Variants in SYNPR observed in about 807,000 individuals in gnomAD.
SYNPR encodes the protein synaptoporin.
A neutral mutation model predicts 32.9 loss-of-function variants in SYNPR; 23 were observed. That is an observed-to-expected ratio of 0.70 (90% CI 0.50 to 0.99). The LOEUF (loss-of-function observed/expected upper bound fraction) is 0.99, where lower values mean the gene tolerates loss of function less well. SYNPR is among the 50% of genes least tolerant of loss of function. The pLI is 0.00. For synonymous variants in SYNPR, 146 were observed against 135.9 expected (o/e 1.07, Z -0.52); for missense variants, 318 against 349.3 (o/e 0.91, Z 0.71).
At chr3:63,500,652 A>G (rs886096955) in intron 3 of SYNPR, among the ~76,000 whole-genome samples, 1 of 152,156 alleles carries the variant, frequency 6.6e-6, no homozygotes, top group Non-Finnish European at 1.5e-5. Flanking sequence ...AACCAAAAAG[A>G]ATGGTTTCTC....
At chr3:63,441,645 T>G (rs1700178160) in intron 2 of SYNPR, among the ~76,000 whole-genome samples, 1 of 152,174 alleles carries the variant, frequency 6.6e-6, no homozygotes, top group Admixed American at 6.5e-5. Flanking sequence ...CTTCTCTCAT[T>G]GAAGTGCAGA....
At chr3:63,391,069 T>G (rs1277015742) in intron 2 of SYNPR, among the ~76,000 whole-genome samples, 1 of 152,236 alleles carries the variant, frequency 6.6e-6, no homozygotes. Flanking sequence ...CATGACTCAA[T>G]TCCTTCTTAA....
At chr3:63,554,354 A>G (rs1702558805) in intron 3 of SYNPR, among the ~76,000 whole-genome samples, 1 of 152,168 alleles carries the variant, frequency 6.6e-6, no homozygotes, top group African/African-American at 2.4e-5. Context: ...TCTTACATTT[A>G]TATCTGTAAT....
chr3:63,269,035 T>C (rs1313745026), intron 3 of SYNPR, among the ~76,000 whole-genome samples: 1 of 152,236 alleles, frequency 6.6e-6, no homozygotes, highest in Non-Finnish European at 1.5e-5. Flanking sequence ...CCCTCATATT[T>C]ATTTCCTCAA....
At chr3:63,364,169 T>A (rs2087701390) in intron 2 of SYNPR, among the ~76,000 whole-genome samples, 1 of 152,308 alleles carries the variant, frequency 6.6e-6, no homozygotes, top group African/African-American at 2.4e-5. Context: ...ATACCACTTC[T>A]AAAAATATTG....
At chr3:63,603,358 C>T (rs574028103) in intron 4 of SYNPR, among the ~76,000 whole-genome samples, 5 of 152,030 alleles carry the variant, frequency 3.3e-5, no homozygotes, top group East Asian at 1.9e-4. Context: ...CTGATTGCTC[C>T]GGCTAGGACT....
At chr3:63,379,801 T>G (rs1011297473) in intron 2 of SYNPR, among the ~76,000 whole-genome samples, 1 of 152,144 alleles carries the variant, frequency 6.6e-6, no homozygotes, top group African/African-American at 2.4e-5. Context: ...ACTCGTCATT[T>G]ACATTAGGTA....
At chr3:63,565,436 G>A (rs146139229) in intron 4 of SYNPR, among the ~76,000 whole-genome samples, 140 of 152,262 alleles carry the variant, frequency 9.2e-4, no homozygotes, top group African/African-American at 3.2e-3. Context: ...TTGCAGCATC[G>A]TCTGGAAGGA....
chr3:63,434,090 T>G (rs1256422673), intron 2 of SYNPR, among the ~76,000 whole-genome samples: 3 of 152,166 alleles, frequency 2.0e-5, no homozygotes, highest in African/African-American at 7.2e-5. Flanking sequence ...TCAAATGTTA[T>G]ACACTCTACG....
intron 2 of SYNPR, among the ~76,000 whole-genome samples, chr3:63,347,773 T>C (rs2087455581): frequency 6.6e-6 from 1 of 152,136 alleles, no homozygotes; most frequent in African/African-American, 2.4e-5. Flanking sequence ...TGGCCTCCAG[T>C]TCCACTCATG....
At chr3:63,282,394 T>C (rs1376441325) in intron 2 of SYNPR, among the ~76,000 whole-genome samples, 2 of 152,212 alleles carry the variant, frequency 1.3e-5, no homozygotes, top group South Asian at 2.1e-4. Context: ...CAACAAGATA[T>C]GCTATGTGTT....
chr3:63,567,873 G>A (rs558450009), intron 4 of SYNPR, among the ~76,000 whole-genome samples: 5 of 152,254 alleles, frequency 3.3e-5, no homozygotes, highest in East Asian at 3.9e-4. Flanking sequence ...GCTCTTCCAC[G>A]TTGTTCTCAA....
intron 3 of SYNPR, among the ~76,000 whole-genome samples, chr3:63,494,965 G>T (rs1419978513): frequency 2.6e-5 from 4 of 152,118 alleles, no homozygotes; most frequent in East Asian, 1.9e-4. Context: ...TTTAGCAAAT[G>T]GTTCTCAGAG....
chr3:63,520,167 T>A (rs1408596367), intron 3 of SYNPR, among the ~76,000 whole-genome samples: 1 of 152,222 alleles, frequency 6.6e-6, no homozygotes, highest in Non-Finnish European at 1.5e-5. Flanking sequence ...ATGAATACTT[T>A]AAGCCCTTTC....
chr3:63,244,719 A>T (rs544070450), intron 1 of SYNPR, among the ~76,000 whole-genome samples: 13 of 152,224 alleles, frequency 8.5e-5, no homozygotes, highest in Admixed American at 3.9e-4. Context: ...TAGGACTATC[A>T]ATCTATTGAG....
At chr3:63,570,546 AC>A (rs1702869344) in intron 4 of SYNPR, among the ~76,000 whole-genome samples, 1 of 152,112 alleles carries the variant, frequency 6.6e-6, no homozygotes, top group Admixed American at 6.6e-5. Context: ...GCTACCTGCC[AC>A]CTGGAAGGTC....
At chr3:63,321,232 G>C (rs965139599) in intron 2 of SYNPR, among the ~76,000 whole-genome samples, 1 of 152,006 alleles carries the variant, frequency 6.6e-6, no homozygotes, top group Non-Finnish European at 1.5e-5. Context: ...GACTTCAAGG[G>C]CCTTAGTCCA....
At chr3:63,384,322 T>A (rs190358796) in intron 2 of SYNPR, among the ~76,000 whole-genome samples, 1 of 152,354 alleles carries the variant, frequency 6.6e-6, no homozygotes, top group Non-Finnish European at 1.5e-5. Context: ...AGAGGTTTTT[T>A]AGATATTAAT....
chr3:63,383,708 G>T (rs1414124461), intron 2 of SYNPR, among the ~76,000 whole-genome samples: 2 of 152,108 alleles, frequency 1.3e-5, no homozygotes, highest in Non-Finnish European at 2.9e-5. Context: ...ATTGTATGAA[G>T]CTAAGAACAG....
Sources: gnomAD v4.1 joint callset for allele counts (sites outside exome capture counted in the v4.1 genomes callset) on GRCh38, gnomAD v4.1.1 for gene constraint, MANE v1.5 for transcripts, NCBI Gene and HGNC (gene_info 2026-07-23, HGNC 2026-07-21) for gene names.